Variants in INPP5A observed in about 807,000 individuals in gnomAD.
The protein encoded by INPP5A is inositol polyphosphate-5-phosphatase A.
INPP5A carries 14 observed loss-of-function variants against 65.2 expected under a neutral mutation model. The observed-to-expected ratio is 0.21, with a 90% CI of 0.14 to 0.34. The LOEUF (loss-of-function observed/expected upper bound fraction) is 0.34, where lower values mean the gene tolerates loss of function less well. Ranked by LOEUF, INPP5A falls within the 10% of genes least tolerant of loss-of-function variation. INPP5A has a pLI of 1.00. For missense variants in INPP5A, 431 were observed against 545.6 expected (o/e 0.79, Z 2.09); for synonymous variants, 207 against 208.3 (o/e 0.99, Z 0.05).
chr10:132,739,736 AC>A (rs1374076300), intron 9 of INPP5A, among the ~76,000 whole-genome samples: 1 of 152,146 alleles, frequency 6.6e-6, no homozygotes, highest in Non-Finnish European at 1.5e-5. Context: ...ATTTGAGATG[AC>A]GTGTGCTGTT....
chr10:132,682,133 G>A (rs1326140973), intron 4 of INPP5A, among the ~76,000 whole-genome samples: 1 of 152,160 alleles, frequency 6.6e-6, no homozygotes, highest in African/African-American at 2.4e-5. Context: ...TCCTGGAGGT[G>A]GGAAGGTGGA....
At chr10:132,654,986 G>C (rs557458488) in intron 4 of INPP5A, among the ~76,000 whole-genome samples, 5 of 152,356 alleles carry the variant, frequency 3.3e-5, no homozygotes, top group Admixed American at 3.3e-4. Flanking sequence ...TATTAGGCTG[G>C]GCGCGGTGGC....
At position 132,616,329 on chromosome 10, in the gene INPP5A, GGGACGCC is replaced by G; in HGVS notation, c.117+8375_117+8381del. On this transcript the variant is annotated intron_variant, in intron 2 of 15. Coordinates refer to ENST00000368594, the MANE Select transcript of INPP5A (RefSeq NM_005539.5). This position sits in a 1 kb window ranked among gnomAD's most constrained non-coding sequence, Gnocchi z 4.9. The stretch of plus-strand genomic sequence containing the variant: ...TGCAGTGTGGGGCATGTGGCGTGCA[GGGACGCC>G]GTGGGCGTGGTGTGGGGCACGTGGC... 6.6e-6 allele frequency among the ~76,000 whole-genome samples: 1 copy of G among 152,308 alleles called. No homozygotes were observed. The highest frequency in any genetic ancestry group is 6.5e-5 in the Admixed American group (1 of 15,306).
At chr10:132,711,630 G>T (rs915027948) in intron 8 of INPP5A, among the ~76,000 whole-genome samples, 2 of 152,210 alleles carry the variant, frequency 1.3e-5, no homozygotes, top group African/African-American at 4.8e-5. Flanking sequence ...CTAAGCGTGC[G>T]AGGGCCTGGA....
At chr10:132,719,454 G>C (rs1302664365) in intron 8 of INPP5A, among the ~76,000 whole-genome samples, 1 of 148,348 alleles carries the variant, frequency 6.7e-6, no homozygotes. Context: ...CCTGGGTTCT[G>C]TCTGGGCACC....
At chr10:132,577,843 C>T (rs2071428728) in intron 1 of INPP5A, among the ~76,000 whole-genome samples, 1 of 152,182 alleles carries the variant, frequency 6.6e-6, no homozygotes. Context: ...CGGTTCCAGC[C>T]TCGTTGGTTA....
chr10:132,775,539 C>T (rs1381789294), intron 12 of INPP5A, among the ~76,000 whole-genome samples: 1 of 152,126 alleles, frequency 6.6e-6, no homozygotes, highest in Non-Finnish European at 1.5e-5. Flanking sequence ...CTGCATTTCT[C>T]CCTGGGTGTT....
Position 132,762,997 on chromosome 10 carries a change from A to G in INPP5A, c.904-2776A>G, listed in dbSNP as rs897942109. 3.3e-5 allele frequency among the ~76,000 whole-genome samples: 5 copies of G among 152,196 alleles called. No individual in the cohort carries two copies. In the East Asian group the frequency reaches 9.6e-4, roughly 29 times the overall value. On this transcript the variant is annotated intron_variant, in intron 11 of 15. Coordinates refer to ENST00000368594, the MANE Select transcript of INPP5A (RefSeq NM_005539.5). The surrounding 1 kb of genome is among the most constrained non-coding windows in gnomAD (Gnocchi z 4.6). ...GAGGGAGACTCTGTTTCAATAAATA[A>G]ATAAATAACTTAAAAACCATACTTG... is the stretch of plus-strand genomic sequence containing the variant.
At chr10:132,666,536 G>T (rs780030497) in intron 4 of INPP5A, among the ~76,000 whole-genome samples, 1 of 152,154 alleles carries the variant, frequency 6.6e-6, no homozygotes, top group Non-Finnish European at 1.5e-5. Context: ...ACCCAAAACC[G>T]CTGGCCCCGT....
rs537590641 is a variant in INPP5A, at chr10:132,757,276, C to T, written c.903+7431C>T. Among the ~76,000 whole-genome samples, 11 of 152,368 alleles carry T rather than the reference C, an allele frequency of 7.2e-5. No individual in the cohort carries two copies. In the South Asian group the frequency reaches 1.4e-3, roughly 20 times the overall value. ...GATCCCAGGCCTTCCCGCTCACCCCCGCCCGCTCACCAGCTCACCCCGAGC... is the reference window on the plus strand; with the variant it reads ...GATCCCAGGCCTTCCCGCTCACCCCTGCCCGCTCACCAGCTCACCCCGAGC... On this transcript the variant is annotated intron_variant, in intron 11 of 15. Coordinates refer to ENST00000368594, the MANE Select transcript of INPP5A (RefSeq NM_005539.5).
intron 2 of INPP5A, among the ~76,000 whole-genome samples, chr10:132,638,006 G>A (rs188835154): frequency 1.3e-5 from 2 of 152,200 alleles, no homozygotes; most frequent in African/African-American, 2.4e-5. Context: ...CTCTTGTGTT[G>A]GTATTGCAAA....
chr10:132,631,079 C>T (rs1275437536), intron 2 of INPP5A, among the ~76,000 whole-genome samples: 1 of 152,228 alleles, frequency 6.6e-6, no homozygotes, highest in Non-Finnish European at 1.5e-5. Context: ...ACACCCCTCC[C>T]CATGGTGGCC....
intron 11 of INPP5A, among the ~76,000 whole-genome samples, chr10:132,756,167 G>T (rs541439703): frequency 7.9e-5 from 12 of 152,174 alleles, no homozygotes; most frequent in African/African-American, 1.4e-4. Context: ...AGCAAGTGTG[G>T]GGGGGGAGTG....
chr10:132,575,755 G>GA lies in INPP5A; in HGVS notation c.76-32160_76-32159insA, dbSNP rs1763718378. 6.6e-6 allele frequency among the ~76,000 whole-genome samples: 1 copy of GA among 152,148 alleles called. No individual in the cohort carries two copies. On this transcript the variant is annotated intron_variant, in intron 1 of 15. Transcript: ENST00000368594. The surrounding 1 kb of genome is among the most constrained non-coding windows in gnomAD (Gnocchi z 5.4). ...CGGTTCCCTGTGTCCCTCTGGCCGT[G>GA]GGCTCCCGCGTGGTGTGTGCGGCCC... is the stretch of plus-strand genomic sequence containing the variant.
intron 1 of INPP5A, among the ~76,000 whole-genome samples, chr10:132,553,305 T>C (rs1381337500): frequency 3.1e-5 from 4 of 128,534 alleles, no homozygotes; most frequent in Non-Finnish European, 6.6e-5. Context: ...TTGGGTAGGA[T>C]AGGGAGGGAG....
At chr10:132,647,156 C>G (rs1208630970) in intron 3 of INPP5A, among the ~76,000 whole-genome samples, 1 of 149,724 alleles carries the variant, frequency 6.7e-6, no homozygotes, top group Non-Finnish European at 1.5e-5. Context: ...CGCTCTGTTG[C>G]CCAGGCTGGA....
chr10:132,542,645 C>A (rs1387334374), intron 1 of INPP5A, among the ~76,000 whole-genome samples: 1 of 152,214 alleles, frequency 6.6e-6, no homozygotes, highest in African/African-American at 2.4e-5. Flanking sequence ...TCCTGCACAG[C>A]AGGGCCCAGG....
chr10:132,773,312 G>A (rs1354874215), intron 12 of INPP5A, among the ~76,000 whole-genome samples: 1 of 152,254 alleles, frequency 6.6e-6, no homozygotes, highest in Non-Finnish European at 1.5e-5. Context: ...CTGACTCTCA[G>A]AGGTGGGAGA....
intron 1 of INPP5A, among the ~76,000 whole-genome samples, chr10:132,543,911 T>C (rs546380876): frequency 9.2e-5 from 14 of 152,388 alleles, no homozygotes; most frequent in Middle Eastern, 3.4e-3. Flanking sequence ...CTTCCGGTTC[T>C]GGTGAACAGT....
Sources: allele counts gnomAD v4.1 joint callset (sites outside exome capture counted in the v4.1 genomes callset), GRCh38; gene constraint gnomAD v4.1.1; non-coding constraint Gnocchi (gnomAD v3.1); transcripts MANE v1.5; gene names NCBI Gene and HGNC (gene_info 2026-07-23, HGNC 2026-07-21).